SCYL1: variants seen among roughly 807,000 people sequenced by gnomAD.
The protein encoded by SCYL1 is SCY1 like pseudokinase 1, also known as N-terminal kinase-like protein.
In SCYL1, 85 loss-of-function variants were observed where a neutral mutation model predicts 94.8. That is an observed-to-expected ratio of 0.90 (90% CI 0.75 to 1.07). The LOEUF (loss-of-function observed/expected upper bound fraction) is 1.07. Ranked by LOEUF, SCYL1 falls within the 50% of genes least tolerant of loss-of-function variation. SCYL1 has a pLI of 0.00. For synonymous variants in SCYL1, 459 were observed against 435.5 expected (o/e 1.05, Z -0.67); for missense variants, 968 against 1,083.3 (o/e 0.89, Z 1.49).
intron 9 of SCYL1, among the ~76,000 whole-genome samples, chr11:65,534,862 A>C (rs1440763670): frequency 6.6e-6 from 1 of 152,100 alleles, no homozygotes; most frequent in Non-Finnish European, 1.5e-5. Flanking sequence ...CTGAGGGTCA[A>C]GTTTGGTGAG....
chr11:65,535,493 C>A (rs943550537), intron 10 of SCYL1, 111 bp downstream of exon 10: 1 of 1,378,214 alleles, frequency 7.3e-7, no homozygotes, highest in East Asian at 2.4e-5. Context: ...AGACTTAGAC[C>A]CTGCACGCTG....
Position 65,538,115 on chromosome 11 carries a change from G to A in SCYL1, c.2180G>A (p.Trp727Ter). Reference protein sequence around the residue: ...DGTRLASEYNWGGPESSDKGD... With the variant: ...DGTRLASEYN ...ACACGGCTGGCCAGCGAGTATAACT[G>A]GGGTGGCCCAGAGTCCAGCGACAAG... Residue 727 changes from tryptophan to a stop codon, truncating the protein, a stop_gained, in exon 16 of 18, where the codon TGG becomes TAG. Coordinates refer to ENST00000270176, the MANE Select transcript of SCYL1 (RefSeq NM_020680.4). LOFTEE classifies it high-confidence loss of function. 6.2e-7 allele frequency: 1 copy of A among 1,603,930 alleles called. No individual in the cohort carries two copies. The highest frequency in any genetic ancestry group is 1.1e-5 in the South Asian group (1 of 89,380).
At position 65,531,464 on chromosome 11, in the gene SCYL1, C is replaced by G. The variant is rs183677170; in HGVS notation, c.1009-112C>G. On this transcript the variant is annotated intron_variant, in intron 7 of 17. Coordinates refer to ENST00000270176, the MANE Select transcript of SCYL1 (RefSeq NM_020680.4). The stretch of plus-strand genomic sequence containing the variant: ...CTACTGAGGAAATGCCTGCCCCCCC[C>G]TCCGCCATCACTTCATTCCCACCCT... The G allele has an allele frequency of 3.8e-4, 286 of 757,918 alleles. 2 individuals carry two copies. In the African/African-American group the frequency reaches 4.6e-3, roughly 12 times the overall value. The allele number at this position is 757,918 out of a possible 1,614,324, so 46.9% of individuals were successfully genotyped here. A position where few individuals can be genotyped will look rare whatever the true frequency, so the allele number is the denominator to read the frequency against.
chr11:65,538,247 G>A (rs1434659360), intron 16 of SCYL1, 23 bp from the exon 17 acceptor site: 1 of 1,554,152 alleles, frequency 6.4e-7, no homozygotes, highest in South Asian at 1.2e-5. Context: ...GGGCCCCACT[G>A]CAGCCCACAC....
intron 6 of SCYL1, among the ~76,000 whole-genome samples, chr11:65,528,719 C>T (rs1399174189): frequency 6.6e-6 from 1 of 151,974 alleles, no homozygotes; most frequent in East Asian, 1.9e-4. Context: ...CGAGATCGCA[C>T]CATTGCACTC....
chr11:65,529,001 C>A (rs1296846276), intron 6 of SCYL1, among the ~76,000 whole-genome samples: 4 of 152,162 alleles, frequency 2.6e-5, no homozygotes, highest in African/African-American at 7.2e-5. Flanking sequence ...TAGTGAGGAG[C>A]ATCTGGGTGC....
Position 65,536,983 on chromosome 11 carries a change from C to T in SCYL1, c.1817-3C>T, listed in dbSNP as rs1459457047. 1 of 1,611,104 alleles carries T rather than the reference C, an allele frequency of 6.2e-7. No homozygotes were observed. The highest frequency in any genetic ancestry group is 8.5e-7 in the Non-Finnish European group (1 of 1,177,470). On this transcript the variant is annotated splice_polypyrimidine_tract_variant and splice_region_variant and intron_variant, in intron 13 of 17. Coordinates refer to ENST00000270176, the MANE Select transcript of SCYL1 (RefSeq NM_020680.4). ...GAAAGCTCAGTGAGCCTCTGCTCCC[C>T]AGGAGTTCCTGCCCCAGCCCCCACC...
At position 65,525,133 on chromosome 11, in the gene SCYL1, C is replaced by G. The variant is rs547049195; in HGVS notation, c.-21C>G. On this transcript the variant is annotated 5_prime_UTR_variant, in exon 1 of 18. Coordinates refer to ENST00000270176, the MANE Select transcript of SCYL1 (RefSeq NM_020680.4). ...AGGACCCGGAGCTAAGGCGCCCGAACCCGCGGCGGCGGTGGGGACGATGTG... is the reference window on the plus strand; with the variant it reads ...AGGACCCGGAGCTAAGGCGCCCGAAGCCGCGGCGGCGGTGGGGACGATGTG... 7.6e-7 allele frequency: 1 copy of G among 1,310,176 alleles called. No homozygotes were observed. The highest frequency in any genetic ancestry group is 1.6e-5 in the African/African-American group (1 of 64,098). 81.2% of individuals were successfully genotyped at this position (1,310,176 alleles called of 1,614,324 possible).
rs56076708 is a variant in SCYL1 at position 65,537,838 on chromosome 11, G to A, written c.1989G>A (p.Gln663=). The change falls in exon 15 of 18, where the codon CAG becomes CAA. Residue 663 remains glutamine (Q), a synonymous_variant. Coordinates refer to ENST00000270176, the MANE Select transcript of SCYL1 (RefSeq NM_020680.4). ...AGGCCGAGTCTGTGCTGGCCCAGCA[G>A]GACGACTGGAGCACCGGGGGCCAAG... The part of the protein sequence containing the change: ...EQEAESVLAQ[Q]DDWSTGGQVS... 4 of 1,572,202 alleles carry A rather than the reference G, an allele frequency of 2.5e-6. No homozygotes were observed. The highest frequency in any genetic ancestry group is 2.6e-6 in the Non-Finnish European group (3 of 1,158,402).
At chr11:65,536,876 C>G (rs1407929414) in intron 13 of SCYL1, 110 bp from the exon 14 acceptor site, 3 of 1,310,698 alleles carry the variant, frequency 2.3e-6, no homozygotes, top group Non-Finnish European at 3.2e-6. Context: ...AGGCTCCAGT[C>G]ACCCTGTGGG....
In SCYL1 at chr11:65,537,995, A is replaced by G; in HGVS notation, c.2060A>G (p.Lys687Arg). The G allele has an allele frequency of 1.2e-6, 2 of 1,612,576 alleles. No individual in the cohort carries two copies. The highest frequency in any genetic ancestry group is 2.2e-5 in the East Asian group (1 of 44,812). ...AGCAACTCCGACCACAAATCCTCCA[A>G]ATCCCCAGAGTCCGACTGGAGCAGC... ...QVSNSDHKSS[K>R]SPESDWSSWE... The change falls in exon 16 of 18, where the codon AAA becomes AGA. Residue 687 changes from lysine to arginine, a missense_variant. Transcript: ENST00000270176.
intron 13 of SCYL1, 77 bp from the exon 14 acceptor site, chr11:65,536,909 C>G: frequency 1.1e-5 from 14 of 1,247,684 alleles, no homozygotes; most frequent in Non-Finnish European, 1.2e-6. Context: ...CCCTTCCCCC[C>G]AGTAGCCCCC....
chr11:65,537,730 G>C, intron 14 of SCYL1, 79 bp from the exon 15 acceptor site: 2 of 1,282,654 alleles, frequency 1.6e-6, no homozygotes, highest in South Asian at 3.0e-5. Context: ...GGTGGGGCCC[G>C]TGGCTGGGAT....
chr11:65,538,239 G>T (rs372453111), intron 16 of SCYL1, 31 bp from the exon 17 acceptor site: 120 of 1,554,704 alleles, frequency 7.7e-5, no homozygotes, highest in Middle Eastern at 1.7e-4. Flanking sequence ...CCAGAAGTGG[G>T]CCCCACTGCA....
intron 10 of SCYL1, chr11:65,535,619 T>C: frequency 1.6e-6 from 1 of 615,004 alleles, no homozygotes; most frequent in South Asian, 2.1e-5. Context: ...GTGCATCCCT[T>C]CAGCCAGGGT....
At chr11:65,533,955 C>T (rs952175177) in intron 9 of SCYL1, among the ~76,000 whole-genome samples, 1 of 152,104 alleles carries the variant, frequency 6.6e-6, no homozygotes, top group Non-Finnish European at 1.5e-5. Context: ...AATGGCTGGG[C>T]CCGGTTGCTC....
chr11:65,526,691 CT>C lies in SCYL1; in HGVS notation c.603-91del, dbSNP rs1323333626. ...CTCAGCTGAGGGACATAGCCAGGCC[CT>C]GGCATGCAGTGGGTGCCTGGTGCCC... On this transcript the variant is annotated intron_variant, in intron 4 of 17. Coordinates refer to ENST00000270176, the MANE Select transcript of SCYL1 (RefSeq NM_020680.4). This position sits in a 1 kb window ranked among gnomAD's most constrained non-coding sequence, Gnocchi z 4.1. The C allele has an allele frequency of 9.6e-6, 12 of 1,251,116 alleles. No homozygotes were observed. Among genetic ancestry groups the C allele is most frequent in the Non-Finnish European group, 1.4e-5 (12 of 884,662 alleles). 77.5% of individuals were successfully genotyped at this position (1,251,116 alleles called of 1,614,324 possible). A position where few individuals can be genotyped will look rare whatever the true frequency, so the allele number is the denominator to read the frequency against.
At chr11:65,530,156 G>C (rs1855295182) in intron 6 of SCYL1, among the ~76,000 whole-genome samples, 1 of 152,096 alleles carries the variant, frequency 6.6e-6, no homozygotes, top group Non-Finnish European at 1.5e-5. Context: ...GGAACTTCCT[G>C]CCCAATCCAG....
chr11:65,538,042 G>C lies in SCYL1; in HGVS notation c.2107G>C (p.Glu703Gln), dbSNP rs769127882. The C allele has an allele frequency of 3.7e-6, 6 of 1,611,554 alleles. No individual in the cohort carries two copies. The highest frequency in any genetic ancestry group is 5.1e-6 in the Non-Finnish European group (6 of 1,179,196). The change falls in exon 16 of 18, where the codon GAA (glutamate) becomes CAA (glutamine). Residue 703 changes from glutamate (E) to glutamine (Q), a missense_variant. Physicochemically the swap from Glu to Gln is conservative, Grantham distance 29. Around this residue, in one of 2 missense-constraint regions of SCYL1, gnomAD observed 474 missense variants for 463.6 expected, o/e 1.02. Coordinates refer to ENST00000270176, the MANE Select transcript of SCYL1 (RefSeq NM_020680.4). ...WSSWEAEGSW[E>Q]QGWQEPSSQE... ...CAGCTGGGAAGCTGAGGGCTCCTGGGAACAGGGCTGGCAGGAGCCAAGCTC... is the reference window on the plus strand; with the variant it reads ...CAGCTGGGAAGCTGAGGGCTCCTGGCAACAGGGCTGGCAGGAGCCAAGCTC...
Sources: gnomAD v4.1 joint callset for allele counts (sites outside exome capture counted in the v4.1 genomes callset) on GRCh38, gnomAD v4.1.1 for gene constraint, gnomAD v4.1.1 regional missense constraint, Gnocchi (gnomAD v3.1) non-coding constraint, MANE v1.5 for transcripts, NCBI Gene and HGNC (gene_info 2026-07-23, HGNC 2026-07-21) for gene names.